Variants in NTN1 observed in about 807,000 individuals in gnomAD.
The protein encoded by NTN1 is netrin-1.
Under a neutral mutation model 54.2 loss-of-function variants are expected in NTN1, and 11 were observed. The ratio of observed to expected loss-of-function variants is 0.20; its 90% confidence interval spans 0.13 to 0.34. The LOEUF (loss-of-function observed/expected upper bound fraction) is 0.34, where lower values mean the gene tolerates loss of function less well. NTN1 is among the 10% of genes least tolerant of loss of function. The pLI is 1.00. For missense variants in NTN1, 740 were observed against 893.1 expected (o/e 0.83, Z 2.18); for synonymous variants, 371 against 382.0 (o/e 0.97, Z 0.33).
intron 2 of NTN1, among the ~76,000 whole-genome samples, chr17:9,061,967 T>A (rs1448051303): frequency 6.6e-6 from 1 of 152,112 alleles, no homozygotes; most frequent in Non-Finnish European, 1.5e-5. Context: ...TCTCCCAAAG[T>A]GCTGGGATTA....
intron 5 of NTN1, chr17:9,183,613 A>G (rs1341856835): frequency 1.5e-5 from 4 of 259,928 alleles, no homozygotes; most frequent in African/African-American, 9.3e-5. Context: ...AGAAGTTACT[A>G]GACCTGCTGC....
At chr17:9,013,216 C>CTTTTTTTTTTTT in the NTN1 span, among the ~76,000 whole-genome samples, 4 of 118,728 alleles carry the variant, frequency 3.4e-5, no homozygotes, top group African/African-American at 6.3e-5. Context: ...TTTTCTTTTT[C>CTTTTTTTTTTTT]TTTTTTTTTT....
chr17:9,106,921 C>T (rs757390099), intron 2 of NTN1, among the ~76,000 whole-genome samples: 112 of 152,142 alleles, frequency 7.4e-4, no homozygotes, highest in African/African-American at 2.5e-3. Flanking sequence ...ATCCATACCC[C>T]GTGCTAAACA....
chr17:9,044,455 G>A (rs1428117807), intron 2 of NTN1, among the ~76,000 whole-genome samples: 4 of 151,820 alleles, frequency 2.6e-5, no homozygotes, highest in Admixed American at 2.6e-4. Context: ...GGCTGGTCTC[G>A]AACTCCTGAC....
Position 9,211,530 on chromosome 17 carries a change from A to G in NTN1, c.1412-9638A>G, listed in dbSNP as rs1158470913. 6.6e-6 allele frequency among the ~76,000 whole-genome samples: 1 copy of G among 152,186 alleles called. No individual in the cohort carries two copies. Among genetic ancestry groups the G allele is most frequent in the East Asian group, 1.9e-4 (1 of 5,186 alleles). On this transcript the variant is annotated intron_variant, in intron 5 of 6. Transcript: ENST00000173229. The surrounding 1 kb of genome is among the most constrained non-coding windows in gnomAD (Gnocchi z 4.4). ...CACCCAGTGCCTCCCAGAGCTGTTCATGTGGGAAGTGCTTCATCAAACGTT... is the reference window on the plus strand; with the variant it reads ...CACCCAGTGCCTCCCAGAGCTGTTCGTGTGGGAAGTGCTTCATCAAACGTT...
chr17:9,150,495 C>T (rs912340576), intron 2 of NTN1, among the ~76,000 whole-genome samples: 3 of 152,214 alleles, frequency 2.0e-5, no homozygotes, highest in Non-Finnish European at 4.4e-5. Context: ...CACCCTCTGC[C>T]TGGGGCAGAG....
In NTN1 at chr17:9,022,826, C is replaced by A. The variant is rs1414159385; in HGVS notation, c.453C>A (p.Phe151Leu). The A allele has an allele frequency of 1.9e-6, 3 of 1,611,674 alleles. No homozygotes were observed. Among genetic ancestry groups the A allele is most frequent in the Non-Finnish European group, 2.5e-6 (3 of 1,179,508 alleles). The change falls in exon 2 of 7, where the codon TTC becomes TTA. Residue 151 changes from phenylalanine (F) to leucine (L), a missense_variant. Phe to Leu is a conservative substitution (Grantham distance 22, BLOSUM62 0). Coordinates refer to ENST00000173229, the MANE Select transcript of NTN1 (RefSeq NM_004822.3). ...AAGTGACCTACGTGAGCCTGCAGTTCTGCTCGCCGCGGCCCGAGTCCATGG... is the reference window on the plus strand; with the variant it reads ...AAGTGACCTACGTGAGCCTGCAGTTATGCTCGCCGCGGCCCGAGTCCATGG... ...KFEVTYVSLQFCSPRPESMAI... is the reference protein window; with the variant it reads ...KFEVTYVSLQLCSPRPESMAI...
intron 2 of NTN1, among the ~76,000 whole-genome samples, chr17:9,072,148 G>A (rs2142216216): frequency 6.6e-6 from 1 of 152,228 alleles, no homozygotes; most frequent in Non-Finnish European, 1.5e-5. Context: ...TTCTCCACGT[G>A]ATCCATCATT....
intron 5 of NTN1, among the ~76,000 whole-genome samples, chr17:9,200,220 T>C (rs1904744113): frequency 6.6e-6 from 1 of 152,222 alleles, no homozygotes; most frequent in Non-Finnish European, 1.5e-5. Context: ...GAGAAGCCTA[T>C]AGAGAGCCAA....
At position 9,172,241 on chromosome 17, in the gene NTN1, T is replaced by C. The variant is rs536691300; in HGVS notation, c.1208-7566T>C. Among the ~76,000 whole-genome samples, 72 of 152,134 alleles carry C rather than the reference T, an allele frequency of 4.7e-4. 1 individual carries two copies. Among genetic ancestry groups the C allele is most frequent in the African/African-American group, 1.7e-3 (71 of 41,564 alleles). ...GGCGGGGTGCGGTGGCTCACGCCTG[T>C]AATCCCAGCACTTTGGGAGGCCGAG... On this transcript the variant is annotated intron_variant, in intron 3 of 6. Transcript: ENST00000173229.
chr17:9,163,339 T>G (rs1228208144), intron 3 of NTN1, among the ~76,000 whole-genome samples: 1 of 152,140 alleles, frequency 6.6e-6, no homozygotes, highest in Non-Finnish European at 1.5e-5. Context: ...GCTTCTCCTC[T>G]GCACAGGTGT....
At chr17:9,182,048 G>A (rs1016488703) in intron 4 of NTN1, among the ~76,000 whole-genome samples, 2 of 152,218 alleles carry the variant, frequency 1.3e-5, no homozygotes, top group Non-Finnish European at 2.9e-5. Context: ...TACCATCATA[G>A]CTCACTGCAA....
chr17:9,026,686 A>G (rs2091872320), intron 2 of NTN1, among the ~76,000 whole-genome samples: 2 of 150,354 alleles, frequency 1.3e-5, no homozygotes. Flanking sequence ...AGAGCATCTG[A>G]AGACCATATT....
chr17:9,089,313 G>A (rs1288547271), intron 2 of NTN1, among the ~76,000 whole-genome samples: 1 of 152,042 alleles, frequency 6.6e-6, no homozygotes, highest in African/African-American at 2.4e-5. Context: ...TACTCGGGAG[G>A]CTGAGACAGG....
At chr17:9,151,234 C>A (rs1345781056) in intron 2 of NTN1, among the ~76,000 whole-genome samples, 1 of 152,228 alleles carries the variant, frequency 6.6e-6, no homozygotes, top group East Asian at 1.9e-4. Flanking sequence ...TCCCAAGCCC[C>A]ACAGGTGTGA....
chr17:9,212,724 G>A lies in NTN1; in HGVS notation c.1412-8444G>A, dbSNP rs1905137859. On this transcript the variant is annotated intron_variant, in intron 5 of 6. Coordinates refer to ENST00000173229, the MANE Select transcript of NTN1 (RefSeq NM_004822.3). The surrounding 1 kb of genome is among the most constrained non-coding windows in gnomAD (Gnocchi z 5.5). ...GGAGGACAGACCATGTTGGCTGGGT[G>A]TCCCTCACTCATTACACCCCCTGCC... is the stretch of plus-strand genomic sequence containing the variant. Among the ~76,000 whole-genome samples, 1 of 152,190 alleles carries A rather than the reference G, an allele frequency of 6.6e-6. No homozygotes were observed. The highest frequency in any genetic ancestry group is 2.4e-5 in the African/African-American group (1 of 41,446).
intron 6 of NTN1, among the ~76,000 whole-genome samples, chr17:9,226,963 C>T (rs922893731): frequency 6.6e-6 from 1 of 152,070 alleles, no homozygotes; most frequent in Non-Finnish European, 1.5e-5. Flanking sequence ...CCCCGAGGCC[C>T]CGCCTCACAC....
chr17:9,149,527 G>T (rs193193366), intron 2 of NTN1, among the ~76,000 whole-genome samples: 5 of 152,242 alleles, frequency 3.3e-5, no homozygotes, highest in Admixed American at 6.5e-5. Context: ...AATTAGTTTG[G>T]TGAAGTGTTA....
intron 5 of NTN1, among the ~76,000 whole-genome samples, chr17:9,202,094 AGC>A (rs1278319549): frequency 8.0e-4 from 108 of 134,164 alleles, no homozygotes; most frequent in African/African-American, 2.6e-3. Flanking sequence ...AAAAAAACTT[AGC>A]CAGGTATGGT....
Sources: allele counts gnomAD v4.1 joint callset (sites outside exome capture counted in the v4.1 genomes callset), GRCh38; gene constraint gnomAD v4.1.1; non-coding constraint Gnocchi (gnomAD v3.1); transcripts MANE v1.5; gene names NCBI Gene and HGNC (gene_info 2026-07-23, HGNC 2026-07-21).